CSMD1: variants seen among roughly 807,000 people sequenced by gnomAD.
CSMD1 encodes CUB and Sushi multiple domains 1.
In CSMD1, 213 loss-of-function variants were observed where a neutral mutation model predicts 417.5. The observed-to-expected ratio is 0.51, with a 90% CI of 0.46 to 0.57. CSMD1 has a LOEUF of 0.57. Among genes scored for constraint, CSMD1 ranks in the 20% least tolerant of loss-of-function variants. CSMD1 has a pLI of 0.00. For synonymous variants in CSMD1, 2,862 were observed against 1,736.8 expected (o/e 1.65, Z -16.11); for missense variants, 6,923 against 4,529.7 (o/e 1.53, Z -15.17).
chr8:3,778,231 G>A (rs1413715880), intron 5 of CSMD1, among the ~76,000 whole-genome samples: 1 of 148,324 alleles, frequency 6.7e-6, no homozygotes, highest in African/African-American at 2.5e-5. Context: ...CTGTGGAACT[G>A]ACTATTTTCT....
chr8:3,423,753 G>C (rs1050636757), intron 12 of CSMD1, among the ~76,000 whole-genome samples: 9 of 152,264 alleles, frequency 5.9e-5, no homozygotes, highest in Non-Finnish European at 7.3e-5. Flanking sequence ...TGAACACTTA[G>C]GGGTGGAATT....
intron 1 of CSMD1, among the ~76,000 whole-genome samples, chr8:4,866,954 T>C (rs1003599856): frequency 3.3e-5 from 5 of 152,004 alleles, no homozygotes; most frequent in Non-Finnish European, 5.9e-5. Context: ...CCAACCTATA[T>C]GGAACAATCT....
intron 6 of CSMD1, among the ~76,000 whole-genome samples, chr8:3,722,539 C>T (rs186668736): frequency 1.3e-5 from 2 of 152,276 alleles, no homozygotes; most frequent in East Asian, 1.9e-4. Flanking sequence ...TGATCTATAA[C>T]CCTTCTTACC....
At chr8:3,843,031 T>C (rs529118747) in intron 5 of CSMD1, among the ~76,000 whole-genome samples, 1 of 152,320 alleles carries the variant, frequency 6.6e-6, no homozygotes, top group South Asian at 2.1e-4. Flanking sequence ...GGATTATTAG[T>C]ATTCACATTT....
intron 42 of CSMD1, among the ~76,000 whole-genome samples, chr8:3,115,970 A>G (rs907464119): frequency 2.6e-5 from 4 of 152,204 alleles, no homozygotes; most frequent in African/African-American, 9.7e-5. Context: ...GTCAATTAAT[A>G]AAATACATGT....
chr8:4,146,313 G>A (rs878907030), intron 3 of CSMD1, among the ~76,000 whole-genome samples: 2 of 150,916 alleles, frequency 1.3e-5, no homozygotes, highest in Non-Finnish European at 2.9e-5. Context: ...TCTGCTTGGT[G>A]TCTGACACAT....
chr8:4,156,350 T>C (rs979317666), intron 3 of CSMD1, among the ~76,000 whole-genome samples: 4 of 152,138 alleles, frequency 2.6e-5, no homozygotes, highest in African/African-American at 9.7e-5. Context: ...TTCTCTCTGG[T>C]TTTGATAAAA....
intron 2 of CSMD1, among the ~76,000 whole-genome samples, chr8:4,467,122 T>TAAAAAAAAAAAAAA (rs35481238): frequency 2.3e-5 from 2 of 86,240 alleles, no homozygotes; most frequent in East Asian, 3.4e-4. Flanking sequence ...TTCTTCAGAG[T>TAAAAAAAAAAAAAA]AAAAAAAAAA....
intron 23 of CSMD1, among the ~76,000 whole-genome samples, chr8:3,340,054 A>T (rs6989450): frequency 0.039 from 5,881 of 152,260 alleles, 369 homozygotes; most frequent in African/African-American, 0.13. Context: ...TTTTCTTCCC[A>T]GGCAATTCCT....
rs926128481 is a variant in CSMD1 at position 4,738,860 on chromosome 8, G to C, written c.86-101302C>G. Among the ~76,000 whole-genome samples the C allele has an allele frequency of 2.7e-5, 4 of 149,632 alleles. No individual in the cohort carries two copies. In the East Asian group the frequency reaches 7.8e-4, roughly 29 times the overall value. ...AAAAAATACACAGGTTGCTTATTTA[G>C]GAACTACATATAGTCATCTATTATA... is the stretch of plus-strand genomic sequence containing the variant. On this transcript the variant is annotated intron_variant, in intron 1 of 69. Transcript: ENST00000635120.
chr8:4,402,938 G>A (rs1804747586), intron 3 of CSMD1, among the ~76,000 whole-genome samples: 3 of 147,316 alleles, frequency 2.0e-5, no homozygotes, highest in South Asian at 2.2e-4. Flanking sequence ...TCCTGTCTTA[G>A]CCTCCTGAGT....
At chr8:3,882,904 C>G in intron 5 of CSMD1, among the ~76,000 whole-genome samples, 1 of 152,136 alleles carries the variant, frequency 6.6e-6, no homozygotes, top group East Asian at 1.9e-4. Context: ...ATGCTAGCAT[C>G]TTGTGGGAGT....
chr8:3,280,257 C>T (rs1387361523), intron 26 of CSMD1, among the ~76,000 whole-genome samples: 4 of 152,102 alleles, frequency 2.6e-5, no homozygotes, highest in East Asian at 3.8e-4. Context: ...TGACATCCAG[C>T]GTGGAATTAT....
intron 1 of CSMD1, among the ~76,000 whole-genome samples, chr8:4,987,711 G>A (rs905117603): frequency 6.6e-6 from 1 of 152,152 alleles, no homozygotes; most frequent in Non-Finnish European, 1.5e-5. Flanking sequence ...ATTAACATTT[G>A]AGTCAACGGA....
chr8:4,931,326 G>A (rs1427485354), intron 1 of CSMD1, among the ~76,000 whole-genome samples: 1 of 152,112 alleles, frequency 6.6e-6, no homozygotes, highest in African/African-American at 2.4e-5. Flanking sequence ...GTCGCTACGA[G>A]GAGTAAACAT....
chr8:4,860,672 A>G (rs1802078156), intron 1 of CSMD1, among the ~76,000 whole-genome samples: 1 of 152,088 alleles, frequency 6.6e-6, no homozygotes, highest in Non-Finnish European at 1.5e-5. Context: ...ACCTACTCAC[A>G]ATGTTTGAAA....
intron 5 of CSMD1, among the ~76,000 whole-genome samples, chr8:3,799,890 A>G (rs1563093186): frequency 6.6e-6 from 1 of 152,176 alleles, no homozygotes; most frequent in East Asian, 1.9e-4. Flanking sequence ...CTGACTTGCT[A>G]TATAATTGAA....
At chr8:4,636,824 T>A (rs1802839208) in intron 2 of CSMD1, among the ~76,000 whole-genome samples, 3 of 152,198 alleles carry the variant, frequency 2.0e-5, no homozygotes, top group Admixed American at 2.0e-4. Context: ...CCAGCTGGAC[T>A]TCTTGCATTG....
At chr8:3,843,464 G>C (rs755232959) in intron 5 of CSMD1, among the ~76,000 whole-genome samples, 1 of 151,956 alleles carries the variant, frequency 6.6e-6, no homozygotes, top group African/African-American at 2.4e-5. Flanking sequence ...AGATCAAAAT[G>C]ACAAATTACA....
Sources: allele counts gnomAD v4.1 joint callset (sites outside exome capture counted in the v4.1 genomes callset), GRCh38; gene constraint gnomAD v4.1.1; transcripts MANE v1.5; gene names NCBI Gene and HGNC (gene_info 2026-07-23, HGNC 2026-07-21).